ANTXR2: variants seen among roughly 807,000 people sequenced by gnomAD.
ANTXR2 encodes the protein anthrax toxin receptor 2.
In ANTXR2, 44 loss-of-function variants were observed where a neutral mutation model predicts 73.7. The observed-to-expected ratio is 0.60, with a 90% CI of 0.47 to 0.77. The LOEUF (loss-of-function observed/expected upper bound fraction) is 0.77, where lower values mean the gene tolerates loss of function less well. Among genes scored for constraint, ANTXR2 ranks in the 30% least tolerant of loss-of-function variants. ANTXR2 has a pLI of 0.00. For missense variants in ANTXR2, 604 were observed against 592.5 expected (o/e 1.02, Z -0.20); for synonymous variants, 217 against 205.9 (o/e 1.05, Z -0.46).
At chr4:80,014,499 G>A (rs1731746580) in intron 11 of ANTXR2, among the ~76,000 whole-genome samples, 2 of 152,066 alleles carry the variant, frequency 1.3e-5, no homozygotes, top group African/African-American at 4.8e-5. Context: ...CCGGGAAGCA[G>A]AGATTGCAGT....
rs34138950 is a variant in ANTXR2, at chr4:79,925,287, C to CTTTT, written c.1429-17824_1429-17821dup. On this transcript the variant is annotated intron_variant, in intron 16 of 16. Transcript: ENST00000403729. ...AGACTTAAATTATAGTCACTCTTTC[C>CTTTT]TTTTTTTTTTTTTAATGATGATGGC... is the stretch of plus-strand genomic sequence containing the variant. Among the ~76,000 whole-genome samples, 354 of 143,996 alleles carry CTTTT rather than the reference C, an allele frequency of 2.5e-3. 2 individuals carry two copies. The highest frequency in any genetic ancestry group is 8.5e-3 in the African/African-American group (332 of 39,194). 94.5% of individuals were successfully genotyped at this position (143,996 alleles called of 152,430 possible).
chr4:80,000,137 C>G (rs1267980381), intron 12 of ANTXR2, among the ~76,000 whole-genome samples: 1 of 151,948 alleles, frequency 6.6e-6, no homozygotes, highest in Non-Finnish European at 1.5e-5. Context: ...GTAGCAGCAA[C>G]TAGACAAAAG....
intron 11 of ANTXR2, among the ~76,000 whole-genome samples, chr4:80,012,450 A>G (rs895356679): frequency 3.3e-5 from 5 of 152,154 alleles, no homozygotes; most frequent in African/African-American, 1.2e-4. Flanking sequence ...CCATTTGTTT[A>G]TATAATGTCT....
chr4:79,909,240 C>T (rs190392637), intron 16 of ANTXR2, among the ~76,000 whole-genome samples: 197 of 152,188 alleles, frequency 1.3e-3, no homozygotes, highest in African/African-American at 4.1e-3. Context: ...TTTCTCTTTT[C>T]TGTACAAGTT....
At chr4:80,002,866 A>G (rs868801047) in intron 12 of ANTXR2, among the ~76,000 whole-genome samples, 27 of 149,742 alleles carry the variant, frequency 1.8e-4, no homozygotes, top group Admixed American at 4.1e-4. Context: ...ATGAGATACC[A>G]TCTCACACCA....
At chr4:79,913,755 G>C (rs1363578201) in intron 16 of ANTXR2, among the ~76,000 whole-genome samples, 1 of 152,118 alleles carries the variant, frequency 6.6e-6, no homozygotes, top group South Asian at 2.1e-4. Flanking sequence ...AAACCACGAA[G>C]TCCTGTGGCT....
intron 3 of ANTXR2, among the ~76,000 whole-genome samples, chr4:80,066,430 A>C (rs966659272): frequency 3.9e-5 from 6 of 152,248 alleles, no homozygotes; most frequent in African/African-American, 7.2e-5. Flanking sequence ...AAATTTATTA[A>C]AACTTAAAGT....
chr4:80,000,067 T>C (rs1196645312), intron 12 of ANTXR2, among the ~76,000 whole-genome samples: 1 of 152,010 alleles, frequency 6.6e-6, no homozygotes, highest in Non-Finnish European at 1.5e-5. Flanking sequence ...AAAAGAAAGA[T>C]ATATATTTTT....
At chr4:80,055,497 C>T in intron 4 of ANTXR2, 30 bp from the exon 5 acceptor site, 1 of 1,553,328 alleles carries the variant, frequency 6.4e-7, no homozygotes, top group South Asian at 1.1e-5. Context: ...ATCCAACTCA[C>T]AATTTAATTT....
At position 80,037,600 on chromosome 4, in the gene ANTXR2, T is replaced by C. The variant is rs546804880; in HGVS notation, c.637-1568A>G. 4.3e-4 allele frequency among the ~76,000 whole-genome samples: 66 copies of C among 152,258 alleles called. 1 individual carries two copies. Among genetic ancestry groups the C allele is most frequent in the African/African-American group, 1.6e-3 (65 of 41,568 alleles). Reference sequence around the variant, plus strand: ...CCTTTCTGCACCCAAATACCTCCTCTTGGTCTGCTACTTTATCTACAATAA... The same window carrying C: ...CCTTTCTGCACCCAAATACCTCCTCCTGGTCTGCTACTTTATCTACAATAA... On this transcript the variant is annotated intron_variant, in intron 7 of 16. Coordinates refer to ENST00000403729, the MANE Select transcript of ANTXR2 (RefSeq NM_058172.6).
chr4:80,024,369 G>A (rs748259835), intron 10 of ANTXR2, among the ~76,000 whole-genome samples: 3 of 152,210 alleles, frequency 2.0e-5, no homozygotes, highest in Non-Finnish European at 4.4e-5. Flanking sequence ...CTTAAAGCTA[G>A]TAAAAAGATC....
chr4:79,946,857 T>A (rs1435966352), intron 16 of ANTXR2, among the ~76,000 whole-genome samples: 1 of 152,152 alleles, frequency 6.6e-6, no homozygotes, highest in African/African-American at 2.4e-5. Flanking sequence ...ATATATACCA[T>A]ACAGTTTATA....
chr4:80,044,781 A>T (rs1475213099), intron 7 of ANTXR2, among the ~76,000 whole-genome samples: 2 of 152,058 alleles, frequency 1.3e-5, no homozygotes, highest in African/African-American at 4.8e-5. Context: ...GAATGAAATA[A>T]AAACTTTTAA....
intron 16 of ANTXR2, among the ~76,000 whole-genome samples, chr4:79,919,916 TATATAAAA>T (rs1560856583): frequency 5.0e-3 from 82 of 16,484 alleles, no homozygotes; most frequent in African/African-American, 0.023. Flanking sequence ...TATATATATA[TATATAAAA>T]AATGATAGGG....
chr4:79,962,587 G>A (rs573800340), intron 16 of ANTXR2, among the ~76,000 whole-genome samples: 1 of 152,134 alleles, frequency 6.6e-6, no homozygotes, highest in South Asian at 2.1e-4. Flanking sequence ...GAAATAAAAG[G>A]TAAACAATGG....
chr4:79,913,748 C>T (rs1304931732), intron 16 of ANTXR2, among the ~76,000 whole-genome samples: 4 of 152,112 alleles, frequency 2.6e-5, no homozygotes, highest in African/African-American at 7.2e-5. Flanking sequence ...ATAGTGTAAA[C>T]CACGAAGTCC....
At chr4:79,911,690 T>G (rs1238098787) in intron 16 of ANTXR2, among the ~76,000 whole-genome samples, 1 of 151,926 alleles carries the variant, frequency 6.6e-6, no homozygotes, top group Admixed American at 6.6e-5. Flanking sequence ...GGAACTCAGG[T>G]GGCATAAGTG....
In ANTXR2 at chr4:80,008,502, GTAAA is replaced by G. The variant is rs1560981300; in HGVS notation, c.1041+15_1041+18del. On this transcript the variant is annotated intron_variant, in intron 12 of 16. Transcript: ENST00000403729. The stretch of plus-strand genomic sequence containing the variant: ...TTTCTAATTTTTTTTAAGTAGAGTT[GTAAA>G]TCCTTCTTACTCACCACTTTGCAGC... 6.4e-7 allele frequency: 1 copy of G among 1,573,816 alleles called. No homozygotes were observed. Among genetic ancestry groups the G allele is most frequent in the Non-Finnish European group, 8.7e-7 (1 of 1,150,510 alleles).
At chr4:79,913,463 C>T (rs1397638501) in intron 16 of ANTXR2, among the ~76,000 whole-genome samples, 1 of 152,116 alleles carries the variant, frequency 6.6e-6, no homozygotes, top group Non-Finnish European at 1.5e-5. Context: ...CATGTACAAC[C>T]TACCTCATGT....
Sources: gnomAD v4.1 joint callset for allele counts (sites outside exome capture counted in the v4.1 genomes callset) on GRCh38, gnomAD v4.1.1 for gene constraint, MANE v1.5 for transcripts, NCBI Gene and HGNC (gene_info 2026-07-23, HGNC 2026-07-21) for gene names.